Variants in TEC observed in about 807,000 individuals in gnomAD.
TEC encodes the protein tyrosine-protein kinase Tec.
In TEC, 72 loss-of-function variants were observed where a neutral mutation model predicts 93.0. That is an observed-to-expected ratio of 0.77 (90% CI 0.64 to 0.94). TEC has a LOEUF of 0.94. Ranked by LOEUF, TEC falls within the 40% of genes least tolerant of loss-of-function variation. TEC has a pLI of 0.00. For synonymous variants in TEC, 249 were observed against 247.7 expected (o/e 1.01, Z -0.05); for missense variants, 630 against 757.9 (o/e 0.83, Z 1.98).
At chr4:48,197,971 T>C (rs976822280) in intron 2 of TEC, among the ~76,000 whole-genome samples, 8 of 152,198 alleles carry the variant, frequency 5.3e-5, no homozygotes, top group African/African-American at 1.7e-4. Flanking sequence ...CTACCCCTTA[T>C]ATATACTGCC....
At chr4:48,185,995 T>C (rs1392185823) in intron 2 of TEC, among the ~76,000 whole-genome samples, 5 of 152,162 alleles carry the variant, frequency 3.3e-5, no homozygotes, top group Non-Finnish European at 5.9e-5. Context: ...GTGCCTGGGA[T>C]TGCAGGCGCG....
At chr4:48,254,517 A>T (rs185367347) in intron 1 of TEC, among the ~76,000 whole-genome samples, 1 of 152,288 alleles carries the variant, frequency 6.6e-6, no homozygotes, top group East Asian at 1.9e-4. Flanking sequence ...AGAAGAATGG[A>T]AGTTCAAAAT....
intron 15 of TEC, among the ~76,000 whole-genome samples, chr4:48,140,768 T>G (rs1175293319): frequency 6.6e-6 from 1 of 152,202 alleles, no homozygotes; most frequent in Admixed American, 6.5e-5. Context: ...CAAATGAGGT[T>G]TGGGTCAGAC....
intron 2 of TEC, among the ~76,000 whole-genome samples, chr4:48,206,336 T>C (rs1474526503): frequency 6.4e-4 from 98 of 152,306 alleles, no homozygotes; most frequent in Non-Finnish European, 2.9e-5. Flanking sequence ...TTTTATGTTA[T>C]GTGTATTTTT....
chr4:48,246,685 A>C (rs1238327596), intron 1 of TEC, among the ~76,000 whole-genome samples: 1 of 152,236 alleles, frequency 6.6e-6, no homozygotes, highest in Non-Finnish European at 1.5e-5. Context: ...TATTTTCAAC[A>C]ATGGTATAGG....
intron 9 of TEC, among the ~76,000 whole-genome samples, chr4:48,153,154 C>A (rs574103016): frequency 4.6e-5 from 7 of 151,592 alleles, no homozygotes; most frequent in Non-Finnish European, 1.0e-4. Flanking sequence ...CATCTATTAA[C>A]GCTTTATTTA....
rs1719533705 is a variant in TEC, at chr4:48,138,728, T to C, written c.1749A>G (p.Arg583=). The change falls in exon 17 of 18, where the codon CGA becomes CGG. Residue 583 remains arginine, a synonymous_variant. Coordinates refer to ENST00000381501, the MANE Select transcript of TEC (RefSeq NM_003215.3). ...EVVTMVTRGH[R]LYQPKLASNY... ...TGGACGCCAACTTCGGCTGGTAGAG[T>C]CGGTGGCCTCGAGTAACCATGGTTA... 6.2e-7 allele frequency: 1 copy of C among 1,614,020 alleles called. No homozygotes were observed. Among genetic ancestry groups the C allele is most frequent in the African/African-American group, 1.3e-5 (1 of 74,992 alleles).
intron 2 of TEC, among the ~76,000 whole-genome samples, chr4:48,197,990 C>G (rs1158742069): frequency 1.3e-5 from 2 of 152,244 alleles, no homozygotes; most frequent in African/African-American, 4.8e-5. Context: ...CCAATTCCCA[C>G]ATGCATTTTC....
chr4:48,252,762 C>G (rs1016646202), intron 1 of TEC, among the ~76,000 whole-genome samples: 18 of 152,144 alleles, frequency 1.2e-4, no homozygotes, highest in African/African-American at 4.3e-4. Flanking sequence ...ACACTAGGAG[C>G]TGTGGGATGA....
intron 2 of TEC, among the ~76,000 whole-genome samples, chr4:48,184,810 AAAT>A (rs1388638464): frequency 1.6e-5 from 2 of 121,694 alleles, no homozygotes; most frequent in African/African-American, 6.0e-5. Context: ...CACACACATT[AAAT>A]ATTATTGAGG....
At chr4:48,178,098 G>A (rs1721407364) in intron 2 of TEC, among the ~76,000 whole-genome samples, 1 of 152,098 alleles carries the variant, frequency 6.6e-6, no homozygotes, top group African/African-American at 2.4e-5. Flanking sequence ...TTCCCTTCAT[G>A]CCTGGCTATG....
intron 8 of TEC, among the ~76,000 whole-genome samples, chr4:48,159,498 T>G (rs1023170734): frequency 6.6e-6 from 1 of 151,950 alleles, no homozygotes; most frequent in Non-Finnish European, 1.5e-5. Context: ...GTTTAAGTGG[T>G]TCTCCTGCCT....
intron 2 of TEC, among the ~76,000 whole-genome samples, chr4:48,226,760 G>T (rs1427676700): frequency 6.6e-6 from 1 of 152,092 alleles, no homozygotes; most frequent in Non-Finnish European, 1.5e-5. Flanking sequence ...AAGGGTTGGT[G>T]TCCCTAACCC....
chr4:48,183,440 C>A (rs931578276), intron 2 of TEC, among the ~76,000 whole-genome samples: 1 of 152,232 alleles, frequency 6.6e-6, no homozygotes, highest in Admixed American at 6.5e-5. Flanking sequence ...TTTCAATCAG[C>A]TGAGTGAGTA....
intron 3 of TEC, among the ~76,000 whole-genome samples, chr4:48,172,648 C>T (rs779783727): frequency 1.6e-5 from 2 of 127,294 alleles, no homozygotes; most frequent in African/African-American, 2.7e-5. Context: ...ACAAATGATG[C>T]TATATACCAT....
rs775160457 is a variant in TEC, at chr4:48,141,386, C to T, written c.1504G>A (p.Val502Ile). The change falls in exon 15 of 18, where the codon GTT becomes ATT. Residue 502 changes from valine to isoleucine, a missense_variant. By Grantham distance (29) the Val-to-Ile change is conservative. Coordinates refer to ENST00000381501, the MANE Select transcript of TEC (RefSeq NM_003215.3). ...ARNCLVSEAG[V>I]VKVSDFGMAR... The stretch of plus-strand genomic sequence containing the variant: ...ATTCCAAAATCAGATACTTTTACAA[C>T]TCCCGCCTCACTTACTAGACAATTT... 1.8e-5 allele frequency: 29 copies of T among 1,613,778 alleles called. No individual in the cohort carries two copies. In the South Asian group the frequency reaches 3.1e-4, roughly 17 times the overall value.
intron 2 of TEC, among the ~76,000 whole-genome samples, chr4:48,183,188 A>T (rs1454585981): frequency 6.6e-6 from 1 of 152,214 alleles, no homozygotes; most frequent in Non-Finnish European, 1.5e-5. Flanking sequence ...GACCTAGGGC[A>T]ATCCCAGTTT....
chr4:48,252,690 C>T (rs1029526527), intron 1 of TEC, among the ~76,000 whole-genome samples: 1 of 152,182 alleles, frequency 6.6e-6, no homozygotes, highest in African/African-American at 2.4e-5. Context: ...CATTCCATTC[C>T]AGAGCACAAA....
chr4:48,153,839 A>G (rs1190390054), intron 9 of TEC, among the ~76,000 whole-genome samples: 1 of 152,170 alleles, frequency 6.6e-6, no homozygotes, highest in Non-Finnish European at 1.5e-5. Flanking sequence ...CAAGGCATAC[A>G]CAAGGGAATT....
Sources: gnomAD v4.1 joint callset for allele counts (sites outside exome capture counted in the v4.1 genomes callset) on GRCh38, gnomAD v4.1.1 for gene constraint, MANE v1.5 for transcripts, NCBI Gene and HGNC (gene_info 2026-07-23, HGNC 2026-07-21) for gene names.